Variants in PPARG observed in about 807,000 individuals in gnomAD.
The protein encoded by PPARG is peroxisome proliferator activated receptor gamma.
Under a neutral mutation model 39.2 loss-of-function variants are expected in PPARG, and 17 were observed. The observed-to-expected ratio is 0.43, with a 90% CI of 0.30 to 0.65. The LOEUF is 0.65. Ranked by LOEUF, PPARG falls within the 30% of genes least tolerant of loss-of-function variation. PPARG has a pLI of 0.13. For missense variants in PPARG, 406 were observed against 585.9 expected, an observed-to-expected ratio of 0.69 and a Z score of 3.17; for synonymous variants, 223 against 215.7, an observed-to-expected ratio of 1.03 and a Z score of -0.30.
chr3:12,397,090 G>A (rs991846877), intron 5 of PPARG, among the ~76,000 whole-genome samples: 2 of 151,744 alleles, frequency 1.3e-5, no homozygotes, highest in East Asian at 1.9e-4. Flanking sequence ...TTAAAAATAT[G>A]TTTTTCATAA....
intron 4 of PPARG, among the ~76,000 whole-genome samples, chr3:12,385,394 T>C (rs1297621221): frequency 6.6e-6 from 1 of 152,082 alleles, no homozygotes; most frequent in African/African-American, 2.4e-5. Context: ...TGAGAATGAG[T>C]AGATTGGGTT....
intron 2 of PPARG, among the ~76,000 whole-genome samples, chr3:12,322,384 T>G (rs2047571360): frequency 6.6e-6 from 1 of 152,220 alleles, no homozygotes; most frequent in Non-Finnish European, 1.5e-5. Flanking sequence ...TTAGACAAAA[T>G]AGAATTGTGA....
At chr3:12,394,679 T>G (rs973816615) in intron 5 of PPARG, among the ~76,000 whole-genome samples, 2 of 151,874 alleles carry the variant, frequency 1.3e-5, no homozygotes, top group Non-Finnish European at 2.9e-5. Flanking sequence ...ACCTCAGAGG[T>G]TTTTATGGGA....
intron 2 of PPARG, among the ~76,000 whole-genome samples, chr3:12,324,946 T>C (rs1338875652): frequency 6.6e-6 from 1 of 152,210 alleles, no homozygotes; most frequent in Non-Finnish European, 1.5e-5. Context: ...AATGAATATT[T>C]ATGAAATGAA....
intron 1 of PPARG, among the ~76,000 whole-genome samples, chr3:12,311,425 A>G (rs1252121349): frequency 2.0e-5 from 3 of 152,228 alleles, no homozygotes; most frequent in Non-Finnish European, 4.4e-5. Flanking sequence ...AGAGAAATAA[A>G]TAAACAGGCA....
At chr3:12,296,888 G>C (rs1204989102) in intron 1 of PPARG, among the ~76,000 whole-genome samples, 1 of 152,148 alleles carries the variant, frequency 6.6e-6, no homozygotes, top group Non-Finnish European at 1.5e-5. Flanking sequence ...AATAATAGTA[G>C]AAAATATTCC....
chr3:12,348,790 C>T (rs747191704), intron 2 of PPARG, among the ~76,000 whole-genome samples: 2 of 152,206 alleles, frequency 1.3e-5, no homozygotes, highest in African/African-American at 2.4e-5. Context: ...GCTGCATTGA[C>T]GTGCAAAGTG....
At chr3:12,349,653 A>G (rs777683279) in intron 2 of PPARG, among the ~76,000 whole-genome samples, 1 of 152,240 alleles carries the variant, frequency 6.6e-6, no homozygotes, top group African/African-American at 2.4e-5. Context: ...TATATTGGCA[A>G]TGAATATTTG....
intron 2 of PPARG, among the ~76,000 whole-genome samples, chr3:12,335,043 T>C (rs375462690): frequency 2.2e-4 from 34 of 152,362 alleles, no homozygotes; most frequent in African/African-American, 8.2e-4. Flanking sequence ...TAGAAATTAC[T>C]GTTAATTTTC....
At chr3:12,391,515 T>C (rs2050075029) in intron 4 of PPARG, among the ~76,000 whole-genome samples, 1 of 152,104 alleles carries the variant, frequency 6.6e-6, no homozygotes, top group Non-Finnish European at 1.5e-5. Flanking sequence ...AAGAAAGAAG[T>C]CAAGAGTGAT....
chr3:12,307,440 C>G (rs1273400135), intron 1 of PPARG, among the ~76,000 whole-genome samples: 1 of 152,160 alleles, frequency 6.6e-6, no homozygotes, highest in Non-Finnish European at 1.5e-5. Flanking sequence ...GTACAATAAT[C>G]CCTTCCCCTA....
At chr3:12,372,573 T>G (rs377728377) in intron 2 of PPARG, among the ~76,000 whole-genome samples, 1 of 152,214 alleles carries the variant, frequency 6.6e-6, no homozygotes, top group African/African-American at 2.4e-5. Context: ...AATGTAAATA[T>G]GAAGAAGATG....
At position 12,367,308 on chromosome 3, in the gene PPARG, A is replaced by G. The variant is rs747167128; in HGVS notation, c.-8-12396A>G. Among the ~76,000 whole-genome samples the G allele has an allele frequency of 1.4e-4, 22 of 152,212 alleles. 1 individual carries two copies. Among genetic ancestry groups the G allele is most frequent in the Non-Finnish European group, 3.1e-4 (21 of 68,032 alleles). On this transcript the variant is annotated intron_variant, in intron 2 of 7. Coordinates refer to ENST00000651735, the MANE Select transcript of PPARG (RefSeq NM_138711.6). ...CTAAACCAAAGCAACTGTTCAACAG[A>G]TTTAGCCTTAGTCCTAATCAGATTA...
At chr3:12,362,678 G>C (rs1413419964) in intron 2 of PPARG, among the ~76,000 whole-genome samples, 1 of 151,708 alleles carries the variant, frequency 6.6e-6, no homozygotes, top group Non-Finnish European at 1.5e-5. Flanking sequence ...TGTTGCATTG[G>C]ATGGATTTCC....
intron 4 of PPARG, among the ~76,000 whole-genome samples, 173 bp downstream of exon 4, chr3:12,381,664 A>T (rs1017007249): frequency 6.6e-6 from 1 of 152,040 alleles, no homozygotes; most frequent in African/African-American, 2.4e-5. Context: ...TGCAGCCTTG[A>T]GCTTCTGGGC....
intron 6 of PPARG, among the ~76,000 whole-genome samples, chr3:12,407,804 T>G (rs1559528904): frequency 1.3e-5 from 2 of 152,236 alleles, no homozygotes; most frequent in Non-Finnish European, 2.9e-5. Flanking sequence ...TAAAGCCATA[T>G]GGTAATAAGG....
rs139533941 is a variant in PPARG, at chr3:12,345,725, T to G, written c.-9+33272T>G. On this transcript the variant is annotated intron_variant, in intron 2 of 7. Coordinates refer to ENST00000651735, the MANE Select transcript of PPARG (RefSeq NM_138711.6). ...CCGTGATTTCAACAGTACGTAAATT[T>G]CCTTTAGTACAGTCACAGAACTGGT... Among the ~76,000 whole-genome samples the G allele has an allele frequency of 9.2e-5, 14 of 152,258 alleles. No homozygotes were observed. In the East Asian group the frequency reaches 2.7e-3, roughly 29 times the overall value.
In PPARG at chr3:12,412,019, G is replaced by A. The variant is rs1037137555; in HGVS notation, c.730-4685G>A. On this transcript the variant is annotated intron_variant, in intron 6 of 7. Transcript: ENST00000651735. ...CCAAGCCAGTTTTCACTCTGACAGGGTTACCTCAAGTGATTGTTTGAGAGA... is the reference window on the plus strand; with the variant it reads ...CCAAGCCAGTTTTCACTCTGACAGGATTACCTCAAGTGATTGTTTGAGAGA... Among the ~76,000 whole-genome samples the A allele has an allele frequency of 3.9e-5, 6 of 152,294 alleles. No homozygotes were observed. In the South Asian group the frequency reaches 1.2e-3, roughly 32 times the overall value.
intron 2 of PPARG, among the ~76,000 whole-genome samples, chr3:12,326,844 G>A (rs776391734): frequency 1.3e-5 from 2 of 152,080 alleles, no homozygotes; most frequent in Non-Finnish European, 2.9e-5. Context: ...AGGGTGGTAC[G>A]GCCATAGACG....
Sources: allele counts gnomAD v4.1 joint callset (sites outside exome capture counted in the v4.1 genomes callset), GRCh38; gene constraint gnomAD v4.1.1; transcripts MANE v1.5; gene names NCBI Gene and HGNC (gene_info 2026-07-23, HGNC 2026-07-21).